Variants in GPC5 observed in about 807,000 individuals in gnomAD.
The protein encoded by GPC5 is glypican-5.
GPC5 carries 47 observed loss-of-function variants against 53.9 expected under a neutral mutation model. The ratio of observed to expected loss-of-function variants is 0.87; its 90% CI spans 0.69 to 1.11. The LOEUF (loss-of-function observed/expected upper bound fraction) is 1.11, where lower values mean the gene tolerates loss of function less well. Among genes scored for constraint, GPC5 ranks in the 50% most tolerant of loss-of-function variants. The pLI is 0.00. For synonymous variants in GPC5, 286 were observed against 263.3 expected, an observed-to-expected ratio of 1.09 and a Z score of -0.84; for missense variants, 748 against 713.1, an observed-to-expected ratio of 1.05 and a Z score of -0.56.
intron 3 of GPC5, among the ~76,000 whole-genome samples, chr13:91,706,452 T>C (rs761207679): frequency 1.3e-5 from 2 of 152,160 alleles, no homozygotes; most frequent in Non-Finnish European, 2.9e-5. Context: ...GTATTCACCT[T>C]TCAAGCAGCT....
At chr13:91,572,279 A>G (rs564769661) in intron 2 of GPC5, among the ~76,000 whole-genome samples, 1 of 151,568 alleles carries the variant, frequency 6.6e-6, no homozygotes, top group Admixed American at 6.6e-5. Context: ...ATGTGTATAT[A>G]TGTATGTGTA....
intron 7 of GPC5, among the ~76,000 whole-genome samples, chr13:92,153,273 C>T (rs1447594719): frequency 6.6e-6 from 1 of 152,142 alleles, no homozygotes; most frequent in Non-Finnish European, 1.5e-5. Flanking sequence ...GGATTACAGG[C>T]ATGTGCTACC....
chr13:92,485,130 T>G (rs1452644104), intron 7 of GPC5, among the ~76,000 whole-genome samples: 2 of 152,118 alleles, frequency 1.3e-5, no homozygotes, highest in Non-Finnish European at 2.9e-5. Flanking sequence ...TGGAAGTGAG[T>G]TCTGGAAGTT....
intron 5 of GPC5, among the ~76,000 whole-genome samples, chr13:91,789,182 T>C (rs1230936844): frequency 5.3e-5 from 8 of 151,888 alleles, no homozygotes. Flanking sequence ...CACTGCACTC[T>C]AGCCTGGGTG....
At chr13:92,301,477 C>A (rs1162037634) in intron 7 of GPC5, among the ~76,000 whole-genome samples, 1 of 152,198 alleles carries the variant, frequency 6.6e-6, no homozygotes, top group Non-Finnish European at 1.5e-5. Flanking sequence ...AAAATACCGA[C>A]TCTTCATTTA....
At chr13:92,495,115 T>C (rs1879921239) in intron 7 of GPC5, among the ~76,000 whole-genome samples, 2 of 152,224 alleles carry the variant, frequency 1.3e-5, no homozygotes, top group South Asian at 4.1e-4. Flanking sequence ...AGTTCGTCAG[T>C]CTAGAAAGGT....
rs553300402 is a variant in GPC5 at position 91,811,037 on chromosome 13, A to T, written c.1280+54617A>T. Among the ~76,000 whole-genome samples the T allele has an allele frequency of 6.6e-5, 10 of 152,052 alleles. 1 individual carries two copies. The highest frequency in any genetic ancestry group is 2.2e-4 in the African/African-American group (9 of 41,560). On this transcript the variant is annotated intron_variant, in intron 5 of 7. Coordinates refer to ENST00000377067, the MANE Select transcript of GPC5 (RefSeq NM_004466.6). ...CAAATGAAAGGAAAATATTGACATA[A>T]CACTAACTCGTGTCTGCCTTCATTA...
chr13:91,897,648 A>T (rs1208447466), intron 5 of GPC5, among the ~76,000 whole-genome samples: 1 of 152,196 alleles, frequency 6.6e-6, no homozygotes, highest in Non-Finnish European at 1.5e-5. Context: ...CATCTGTAAA[A>T]CTGTGTTCTC....
At chr13:91,613,003 C>A (rs1415410823) in intron 2 of GPC5, among the ~76,000 whole-genome samples, 3 of 152,056 alleles carry the variant, frequency 2.0e-5, no homozygotes, top group Non-Finnish European at 4.4e-5. Context: ...CTGGATCCAC[C>A]ACATATTAAA....
At chr13:92,116,266 CAAACA>C (rs1447553390) in intron 6 of GPC5, among the ~76,000 whole-genome samples, 3 of 11,536 alleles carry the variant, frequency 2.6e-4, no homozygotes, top group African/African-American at 3.2e-4. Context: ...AACAAACAAA[CAAACA>C]AAAAAAAAAA....
At chr13:92,793,682 T>C (rs541176979) in intron 7 of GPC5, among the ~76,000 whole-genome samples, 1 of 151,604 alleles carries the variant, frequency 6.6e-6, no homozygotes, top group African/African-American at 2.4e-5. Context: ...ATAGACACAA[T>C]AAAAAATGAT....
At chr13:91,575,894 A>G (rs1387157688) in intron 2 of GPC5, among the ~76,000 whole-genome samples, 1 of 152,180 alleles carries the variant, frequency 6.6e-6, no homozygotes, top group Non-Finnish European at 1.5e-5. Context: ...CGTTACTTTC[A>G]GTGTCAAAGA....
At chr13:92,816,923 G>T (rs1195508512) in intron 7 of GPC5, among the ~76,000 whole-genome samples, 1 of 151,832 alleles carries the variant, frequency 6.6e-6, no homozygotes, top group Non-Finnish European at 1.5e-5. Context: ...AAATTCCTGG[G>T]TGAGATATCT....
chr13:92,488,017 C>T (rs1566612645), intron 7 of GPC5, among the ~76,000 whole-genome samples: 1 of 151,980 alleles, frequency 6.6e-6, no homozygotes, highest in Non-Finnish European at 1.5e-5. Flanking sequence ...TTGAAGTCAT[C>T]AAACTGTATA....
chr13:91,598,200 G>A (rs7995778), intron 2 of GPC5, among the ~76,000 whole-genome samples: 32,799 of 151,968 alleles, frequency 0.22, 3,668 homozygotes, highest in East Asian at 0.29. Flanking sequence ...TGCCAAGGCT[G>A]TTGCTCTTCT....
intron 6 of GPC5, among the ~76,000 whole-genome samples, chr13:92,007,002 A>C (rs1239228691): frequency 6.6e-6 from 1 of 152,196 alleles, no homozygotes; most frequent in Non-Finnish European, 1.5e-5. Context: ...AAGTATTAAT[A>C]ATTGAGTTTG....
intron 2 of GPC5, among the ~76,000 whole-genome samples, chr13:91,597,928 C>G (rs55776152): frequency 1.1e-4 from 16 of 151,862 alleles, no homozygotes; most frequent in African/African-American, 3.9e-4. Flanking sequence ...GTTTGTATTT[C>G]TTTTTAGCAG....
chr13:92,617,342 C>G (rs560279683), intron 7 of GPC5, among the ~76,000 whole-genome samples: 4 of 152,242 alleles, frequency 2.6e-5, no homozygotes, highest in Admixed American at 2.6e-4. Context: ...CATTCAGTTC[C>G]TTTAGCTCTT....
intron 7 of GPC5, among the ~76,000 whole-genome samples, chr13:92,700,595 T>G (rs1242503560): frequency 9.9e-5 from 15 of 152,036 alleles, no homozygotes; most frequent in Admixed American, 9.8e-4. Context: ...CTTTTTCAAA[T>G]GTGTTTCTGC....
Sources: gnomAD v4.1 joint callset for allele counts (sites outside exome capture counted in the v4.1 genomes callset) on GRCh38, gnomAD v4.1.1 for gene constraint, MANE v1.5 for transcripts, NCBI Gene and HGNC (gene_info 2026-07-23, HGNC 2026-07-21) for gene names.